GGT5: variants seen among roughly 807,000 people sequenced by gnomAD.
The protein encoded by GGT5 is glutathione hydrolase 5 proenzyme.
Under a neutral mutation model 58.1 loss-of-function variants are expected in GGT5, and 50 were observed. That is an observed-to-expected ratio of 0.86 (90% CI 0.69 to 1.09). GGT5 has a LOEUF of 1.09. Among genes scored for constraint, GGT5 ranks in the 50% least tolerant of loss-of-function variants. The pLI is 0.00. For synonymous variants in GGT5, 370 were observed against 346.1 expected, an observed-to-expected ratio of 1.07 and a Z score of -0.77; for missense variants, 800 against 789.4, an observed-to-expected ratio of 1.01 and a Z score of -0.16.
intron 11 of GGT5, among the ~76,000 whole-genome samples, chr22:24,221,519 G>A (rs1022925980): frequency 6.6e-6 from 1 of 152,122 alleles, no homozygotes; most frequent in Non-Finnish European, 1.5e-5. Flanking sequence ...TTTTTTGTGT[G>A]TGTCTGTTTC....
chr22:24,221,750 C>T (rs1438031649), intron 11 of GGT5, among the ~76,000 whole-genome samples: 1 of 151,990 alleles, frequency 6.6e-6, no homozygotes, highest in Non-Finnish European at 1.5e-5. Context: ...AGGTGAACCA[C>T]CCACCTCAGC....
In GGT5 at chr22:24,225,572, C is replaced by T. The variant is rs75273222; in HGVS notation, c.1310G>A (p.Arg437Gln). Reference protein sequence around the residue: ...ELLDLCERCPRGSGTTPSPVS... With the variant: ...ELLDLCERCPQGSGTTPSPVS... ...AGGTGAGGGGGTGGTGCCGGAACCCCGGGGGCATCGCTCGCATAAGTCCAG... is the reference window on the plus strand; with the variant it reads ...AGGTGAGGGGGTGGTGCCGGAACCCTGGGGGCATCGCTCGCATAAGTCCAG... The change falls in exon 9 of 12, where the codon CGG (arginine) becomes CAG (glutamine). Residue 437 changes from arginine (R) to glutamine (Q), a missense_variant. Coordinates refer to ENST00000327365, the MANE Select transcript of GGT5 (RefSeq NM_004121.5). 1,905 of 1,612,662 alleles carry T rather than the reference C, an allele frequency of 1.2e-3. 22 individuals carry two copies. The African/African-American group carries it at 0.021, about 18-fold the overall frequency.
At chr22:24,238,195 C>A (rs1210500079) in intron 1 of GGT5, among the ~76,000 whole-genome samples, 3 of 149,598 alleles carry the variant, frequency 2.0e-5, no homozygotes, top group South Asian at 4.3e-4. Flanking sequence ...TCCCACCACA[C>A]CCCAGCCTGG....
rs573432117 is a variant in GGT5, at chr22:24,224,942, C to T, written c.1614+54G>A. On this transcript the variant is annotated intron_variant, in intron 11 of 11. Transcript: ENST00000327365. The stretch of plus-strand genomic sequence containing the variant: ...TCCTCCCAGGTGGCTTTGAGCAGCA[C>T]GGATTTGGGGAGTGGGCTCTGCCCT... The T allele has an allele frequency of 4.7e-4, 572 of 1,215,478 alleles. 9 individuals are homozygous for T. The South Asian group carries it at 6.0e-3, about 13-fold the overall frequency. 75.3% of individuals were successfully genotyped at this position (1,215,478 alleles called of 1,614,324 possible). A position where few individuals can be genotyped will look rare whatever the true frequency, so the allele number is the denominator to read the frequency against.
intron 1 of GGT5, among the ~76,000 whole-genome samples, chr22:24,238,847 TATATATA>T (rs2048212067): frequency 8.8e-5 from 1 of 11,422 alleles, no homozygotes; most frequent in African/African-American, 5.6e-4. Context: ...ATATATATAT[TATATATA>T]TTATATATAT....
intron 8 of GGT5, among the ~76,000 whole-genome samples, 191 bp from the exon 9 acceptor site, chr22:24,225,843 C>T (rs921530830): frequency 2.0e-5 from 3 of 152,162 alleles, no homozygotes; most frequent in African/African-American, 7.2e-5. Flanking sequence ...TCAGGGCACC[C>T]TTCTGAGTGA....
At chr22:24,239,340 A>G (rs2048267182) in intron 1 of GGT5, among the ~76,000 whole-genome samples, 1 of 150,830 alleles carries the variant, frequency 6.6e-6, no homozygotes, top group Non-Finnish European at 1.5e-5. Flanking sequence ...CTCTGTCTCA[A>G]AAAAAAAAGG....
rs1399582998 is a variant in GGT5, at chr22:24,225,415, C to T, written c.1337-4G>A. 6.2e-7 allele frequency: 1 copy of T among 1,605,312 alleles called. No individual in the cohort carries two copies. The highest frequency in any genetic ancestry group is 8.5e-7 in the Non-Finnish European group (1 of 1,174,618). The stretch of plus-strand genomic sequence containing the variant: ...CCACCCACCCTGTCTCCACTCACTG[C>T]TGAGCAAACAGCGTCTTGGCAAGTG... On this transcript the variant is annotated splice_polypyrimidine_tract_variant and splice_region_variant and intron_variant, in intron 9 of 11. Coordinates refer to ENST00000327365, the MANE Select transcript of GGT5 (RefSeq NM_004121.5).
Position 24,233,515 on chromosome 22 carries a change from G to T in GGT5, c.383C>A (p.Ala128Asp). 6.2e-7 allele frequency: 1 copy of T among 1,603,262 alleles called. No homozygotes were observed. Among genetic ancestry groups the T allele is most frequent in the Non-Finnish European group, 8.5e-7 (1 of 1,174,480 alleles). ...GGCGTCACCTGTGCCCAGTGGCAGA[G>T]CCTGTGCACACTGGTCCAGCAGGCT... ...APSLLDQCAQ[A>D]LPLGTGAQWI... Residue 128 changes from alanine (A) to aspartate (D), a missense_variant, in exon 3 of 12, where the codon GCT (alanine) becomes GAT (aspartate). Coordinates refer to ENST00000327365, the MANE Select transcript of GGT5 (RefSeq NM_004121.5).
In GGT5 at chr22:24,226,160, C is replaced by G. The variant is rs1037557653; in HGVS notation, c.1145G>C (p.Trp382Ser). The change falls in exon 8 of 12, where the codon TGG becomes TCG. Residue 382 changes from tryptophan (W) to serine (S), a missense_variant. Physicochemically the swap from Trp to Ser is radical, Grantham distance 177. Transcript: ENST00000327365. ...QLSHYSLAEA[W>S]GHGTGTSHVS... Reference sequence around the variant, plus strand: ...ATGGGACGTGCCTGTCCCGTGGCCCCAGGCCTCGGCCAAGCTGTAGTGGCT... The same window carrying G: ...ATGGGACGTGCCTGTCCCGTGGCCCGAGGCCTCGGCCAAGCTGTAGTGGCT... 3.1e-6 allele frequency: 5 copies of G among 1,611,118 alleles called. No individual in the cohort carries two copies. Among genetic ancestry groups the G allele is most frequent in the Non-Finnish European group, 4.2e-6 (5 of 1,179,844 alleles).
At chr22:24,232,801 A>G in intron 4 of GGT5, 22 bp downstream of exon 4, 1 of 1,464,244 alleles carries the variant, frequency 6.8e-7, no homozygotes, top group Non-Finnish European at 9.1e-7. Context: ...CCAGGAACCC[A>G]GGGCCACCAT....
chr22:24,235,827 C>T (rs1877005413), intron 1 of GGT5, among the ~76,000 whole-genome samples: 1 of 152,034 alleles, frequency 6.6e-6, no homozygotes, highest in South Asian at 2.1e-4. Flanking sequence ...GCTTCCAGGG[C>T]AAAATGGGGT....
rs1273239063 is a variant in GGT5 at position 24,228,048 on chromosome 22, C to CAAAAAAAAA, written c.902-1290_902-1282dup. Among the ~76,000 whole-genome samples, 8 of 22,066 alleles carry CAAAAAAAAA rather than the reference C, an allele frequency of 3.6e-4. 1 individual carries two copies. The highest frequency in any genetic ancestry group is 7.6e-4 in the African/African-American group (5 of 6,606). The allele number at this position is 22,066 out of a possible 152,430, so 14.5% of individuals were successfully genotyped here. ...TAGTAAACAGAGCAAGACTCTGTCT[C>CAAAAAAAAA]AAAAAAAAAAAAAAAAAACAAAACA... On this transcript the variant is annotated intron_variant, in intron 6 of 11. Transcript: ENST00000327365.
chr22:24,240,910 C>G (rs1344150760), intron 1 of GGT5, among the ~76,000 whole-genome samples: 2 of 152,178 alleles, frequency 1.3e-5, no homozygotes, highest in Non-Finnish European at 2.9e-5. Flanking sequence ...GTAATCCCAG[C>G]ACTTTGGGAG....
At chr22:24,226,912 T>A in intron 6 of GGT5, 145 bp from the exon 7 acceptor site, 1 of 504,202 alleles carries the variant, frequency 2.0e-6, no homozygotes, top group Non-Finnish European at 3.6e-6. Flanking sequence ...CAAGAGTGAC[T>A]AATACCTTAA....
Position 24,219,907 on chromosome 22 carries a change from A to G in GGT5, c.*63T>C. ...TGCCAGAGTAGTTGGTCCCCCAGCC[A>G]TGTCCGGCCTGGACACAGGACTCAT... On this transcript the variant is annotated 3_prime_UTR_variant, in exon 12 of 12. Coordinates refer to ENST00000327365, the MANE Select transcript of GGT5 (RefSeq NM_004121.5). 6.5e-7 allele frequency: 1 copy of G among 1,537,914 alleles called. No homozygotes were observed. The highest frequency in any genetic ancestry group is 1.1e-5 in the South Asian group (1 of 88,276).
chr22:24,244,299 A>T, intron 1 of GGT5: 1 of 417,472 alleles, frequency 2.4e-6, no homozygotes, highest in Non-Finnish European at 4.2e-6. Context: ...GCACGTGCAC[A>T]CACACACACA....
chr22:24,225,335 C>T lies in GGT5; in HGVS notation c.1413G>A (p.Met471Ile). ...CTTTGTTGATCAAGATGGAGGGCAC[C>T]ATGGAGGATGGGGAACGCTCGCCTG... Reference protein sequence around the residue: ...PVPGERSPSSMVPSILINKAQ... With the variant: ...PVPGERSPSSIVPSILINKAQ... Residue 471 changes from methionine to isoleucine, a missense_variant, in exon 10 of 12, where the codon ATG becomes ATA. Transcript: ENST00000327365. 2 of 1,613,852 alleles carry T rather than the reference C, an allele frequency of 1.2e-6. No individual in the cohort carries two copies. The highest frequency in any genetic ancestry group is 1.7e-6 in the Non-Finnish European group (2 of 1,179,890).
chr22:24,231,406 G>A lies in GGT5; in HGVS notation c.879C>T (p.Ser293=). The change falls in exon 6 of 12, where the codon AGC becomes AGT. Residue 293 remains serine (S), a synonymous_variant. Transcript: ENST00000327365. ...TACCTCTTAGCACGTTGAGGATAAA[G>A]CTGAGAATGGCACCCCCTGCAGGCG... ...PPPPAGGAIL[S]FILNVLRGFN... 6.4e-7 allele frequency: 1 copy of A among 1,553,366 alleles called. No homozygotes were observed. The highest frequency in any genetic ancestry group is 2.4e-5 in the East Asian group (1 of 41,184).
Sources: allele counts gnomAD v4.1 joint callset (sites outside exome capture counted in the v4.1 genomes callset), GRCh38; gene constraint gnomAD v4.1.1; transcripts MANE v1.5; gene names NCBI Gene and HGNC (gene_info 2026-07-23, HGNC 2026-07-21).